Variants in JADE2 observed in about 807,000 individuals in gnomAD.
JADE2 encodes the protein E3 ubiquitin-protein ligase Jade-2.
A neutral mutation model predicts 85.7 loss-of-function variants in JADE2; 13 were observed. The ratio of observed to expected loss-of-function variants is 0.15; its 90% CI spans 0.10 to 0.24. The LOEUF (loss-of-function observed/expected upper bound fraction) is 0.24. Ranked by LOEUF, JADE2 falls within the 10% of genes least tolerant of loss-of-function variation. The pLI, the probability that JADE2 is intolerant of heterozygous loss-of-function variation, is 1.00. For missense variants in JADE2, 846 were observed against 1,115.9 expected (o/e 0.76, Z 3.45); for synonymous variants, 440 against 456.1 (o/e 0.96, Z 0.45).
chr5:134,534,858 T>G (rs1761484686), intron 1 of JADE2, among the ~76,000 whole-genome samples: 1 of 152,216 alleles, frequency 6.6e-6, no homozygotes, highest in Admixed American at 6.5e-5. Context: ...ACGCATCACC[T>G]GCTGTGCTCC....
At position 134,579,476 on chromosome 5, in the gene JADE2, C is replaced by T; in HGVS notation, c.*159C>T. On this transcript the variant is annotated 3_prime_UTR_variant, in exon 12 of 12. Coordinates refer to ENST00000681547, the MANE Select transcript of JADE2 (RefSeq NM_001388185.1). The surrounding 1 kb of genome is among the most constrained non-coding windows in gnomAD (Gnocchi z 4.6). ...AATATAGAGAGAGTTTTGAATTCTA[C>T]ACTGTTGTCTTTCCTCTGTGCTGGC... The T allele has an allele frequency of 1.6e-6, 1 of 620,268 alleles. No homozygotes were observed. The highest frequency in any genetic ancestry group is 2.8e-6 in the Non-Finnish European group (1 of 357,568). The allele number at this position is 620,268 out of a possible 1,614,324, so 38.4% of individuals were successfully genotyped here.
At chr5:134,543,327 C>T (rs1188757409) in intron 3 of JADE2, among the ~76,000 whole-genome samples, 2 of 151,700 alleles carry the variant, frequency 1.3e-5, no homozygotes, top group East Asian at 4.0e-4. Context: ...ACTGTGCCCC[C>T]TAGTACCTGT....
At chr5:134,533,621 T>G in intron 1 of JADE2, 1 of 975,980 alleles carries the variant, frequency 1.0e-6, no homozygotes, top group Non-Finnish European at 1.2e-6. Context: ...TCCCCCCCAC[T>G]CCACCCACCG....
rs888202511 is a variant in JADE2 at position 134,578,889 on chromosome 5, C to T, written c.2077C>T (p.Arg693Cys). 1.9e-6 allele frequency: 3 copies of T among 1,613,708 alleles called. No individual in the cohort carries two copies. The highest frequency in any genetic ancestry group is 1.3e-5 in the African/African-American group (1 of 74,902). ...GQGPPTRKPP[R>C]RTSSHLPSSP... ...AGGGCCACCTACCAGGAAGCCACCA[C>T]GTCGGACATCTTCTCACTTGCCGTC... is the stretch of plus-strand genomic sequence containing the variant. The change falls in exon 12 of 12, where the codon CGT (arginine) becomes TGT (cysteine). Residue 693 changes from arginine to cysteine, a missense_variant. Physicochemically the swap from Arg to Cys is radical, Grantham distance 180. Transcript: ENST00000681547. The surrounding 1 kb of genome is among the most constrained non-coding windows in gnomAD (Gnocchi z 4.4).
intron 2 of JADE2, among the ~76,000 whole-genome samples, chr5:134,537,617 C>G (rs1761675489): frequency 6.6e-6 from 1 of 152,184 alleles, no homozygotes; most frequent in Non-Finnish European, 1.5e-5. Context: ...CTGGCATCAT[C>G]CCAGAGTATT....
intron 4 of JADE2, among the ~76,000 whole-genome samples, chr5:134,555,549 T>C (rs1346590957): frequency 6.6e-5 from 10 of 152,058 alleles, no homozygotes; most frequent in Non-Finnish European, 1.3e-4. Flanking sequence ...TGATTGTGAG[T>C]CCCTTCACCT....
At chr5:134,526,330 C>T (rs1012088414) in intron 1 of JADE2, 6 of 985,068 alleles carry the variant, frequency 6.1e-6, no homozygotes, top group Non-Finnish European at 7.2e-6. Context: ...GGCAAAGCGC[C>T]CCCGGGCCGG....
chr5:134,533,733 TCTC>T (rs1761399695), intron 1 of JADE2: 1 of 133,204 alleles, frequency 7.5e-6, no homozygotes, highest in Non-Finnish European at 1.5e-5. Flanking sequence ...TGTCACACTC[TCTC>T]TTTTTTTTTT....
chr5:134,576,660 G>C (rs1009755783), intron 10 of JADE2, 108 bp from the exon 11 acceptor site: 1 of 1,330,224 alleles, frequency 7.5e-7, no homozygotes, highest in African/African-American at 1.5e-5. Context: ...TGTGGAGGGT[G>C]AGCACTGGCT....
chr5:134,551,498 G>C (rs1236627018), intron 3 of JADE2, among the ~76,000 whole-genome samples: 2 of 151,050 alleles, frequency 1.3e-5, no homozygotes, highest in African/African-American at 4.9e-5. Context: ...CACAGTGCTG[G>C]GATTACAGGT....
rs1346955133 is a variant in JADE2, at chr5:134,566,546, A to T, written c.1400A>T (p.Lys467Met). Residue 467 changes from lysine to methionine, a missense_variant, in exon 9 of 12, where the codon AAG becomes ATG. Transcript: ENST00000681547. The surrounding 1 kb of genome is among the most constrained non-coding windows in gnomAD (Gnocchi z 6.7). ...QEQDVLYRRL[K>M]LFTHLRQDLE... is the part of the protein sequence containing the mutation. ...CAGGACGTCCTCTACCGCCGCCTGA[A>T]GCTCTTCACCCATCTGCGGCAGGAC... The T allele has an allele frequency of 6.3e-7, 1 of 1,579,190 alleles. No individual in the cohort carries two copies. Among genetic ancestry groups the T allele is most frequent in the East Asian group, 2.3e-5 (1 of 42,688 alleles).
chr5:134,575,397 A>T (rs1581486282), intron 10 of JADE2: 1 of 152,312 alleles, frequency 6.6e-6, no homozygotes, highest in African/African-American at 2.4e-5. Flanking sequence ...TTGGAGACTT[A>T]GTGGCCAGAG....
At chr5:134,577,097 G>A (rs1764419036) in intron 11 of JADE2, 2 of 593,978 alleles carry the variant, frequency 3.4e-6, no homozygotes, top group Non-Finnish European at 5.7e-6. Context: ...TGACATCCTG[G>A]GAAATGCCCC....
chr5:134,567,195 G>GGGGCTGGTGGATCGCACGAGACT (rs1763695533), intron 9 of JADE2, among the ~76,000 whole-genome samples: 1 of 152,230 alleles, frequency 6.6e-6, no homozygotes, highest in South Asian at 2.1e-4. Flanking sequence ...AGAGGTGAAA[G>GGGGCTGGTGGATCGCACGAGACT]GGGCTGGTGG....
chr5:134,569,112 C>T (rs1021488291), intron 9 of JADE2, among the ~76,000 whole-genome samples: 5 of 152,260 alleles, frequency 3.3e-5, no homozygotes, highest in Non-Finnish European at 7.3e-5. Flanking sequence ...ATCAGACTGA[C>T]CTTGGGGTCA....
chr5:134,526,176 G>T (rs1270636345), intron 1 of JADE2, 165 bp downstream of exon 1: 2 of 985,460 alleles, frequency 2.0e-6, no homozygotes, highest in Non-Finnish European at 2.4e-6. Context: ...GCGGAGAGGG[G>T]GGGGATGCAC....
Position 134,533,630 on chromosome 5 carries a change from C to A in JADE2, c.1-2228C>A. 13 of 966,868 alleles carry A rather than the reference C, an allele frequency of 1.3e-5. No individual in the cohort carries two copies. The South Asian group carries it at 4.3e-4, about 32-fold the overall frequency. 59.9% of individuals were successfully genotyped at this position (966,868 alleles called of 1,614,324 possible). ...AGCACCTCCCCCCCACTCCACCCAC[C>A]GATGTCAGGACAAAGCTGGGTTGCG... On this transcript the variant is annotated intron_variant, in intron 1 of 11. Transcript: ENST00000681547.
chr5:134,525,992 G>C lies in JADE2; in HGVS notation c.-20G>C, dbSNP rs1760784398. 1 of 984,820 alleles carries C rather than the reference G, an allele frequency of 1.0e-6. No homozygotes were observed. The highest frequency in any genetic ancestry group is 1.7e-5 in the African/African-American group (1 of 57,210). 61.0% of individuals were successfully genotyped at this position (984,820 alleles called of 1,614,324 possible). ...GCGTAGCCGAGGGCAGCGCCCGTCA[G>C]GGGGGCACCGCGGAGCAAGGTAAGA... On this transcript the variant is annotated 5_prime_UTR_variant, in exon 1 of 12. Coordinates refer to ENST00000681547, the MANE Select transcript of JADE2 (RefSeq NM_001388185.1).
intron 4 of JADE2, among the ~76,000 whole-genome samples, chr5:134,552,642 C>T (rs1001585880): frequency 6.6e-6 from 1 of 152,220 alleles, no homozygotes; most frequent in African/African-American, 2.4e-5. Flanking sequence ...AATGTTGATC[C>T]AAACTGGGCC....
Sources: allele counts gnomAD v4.1 joint callset (sites outside exome capture counted in the v4.1 genomes callset), GRCh38; gene constraint gnomAD v4.1.1; non-coding constraint Gnocchi (gnomAD v3.1); transcripts MANE v1.5; gene names NCBI Gene and HGNC (gene_info 2026-07-23, HGNC 2026-07-21).